ITGA2: variants seen among roughly 807,000 people sequenced by gnomAD.
ITGA2 encodes integrin subunit alpha 2.
In ITGA2, 101 loss-of-function variants were observed where a neutral mutation model predicts 146.3. The observed-to-expected ratio is 0.69, with a 90% CI of 0.59 to 0.81. The LOEUF is 0.81. Ranked by LOEUF, ITGA2 falls within the 40% of genes least tolerant of loss-of-function variation. ITGA2 has a pLI of 0.00. For synonymous variants in ITGA2, 477 were observed against 487.1 expected, an observed-to-expected ratio of 0.98 and a Z score of 0.27; for missense variants, 1,281 against 1,402.7, an observed-to-expected ratio of 0.91 and a Z score of 1.39.
At chr5:53,056,896 A>T (rs1033987417) in intron 9 of ITGA2, among the ~76,000 whole-genome samples, 2 of 151,922 alleles carry the variant, frequency 1.3e-5, no homozygotes, top group Non-Finnish European at 2.9e-5. Context: ...TGCAATAAAG[A>T]CCATATGTTA....
At chr5:53,056,551 TC>T (rs1744644958) in intron 9 of ITGA2, among the ~76,000 whole-genome samples, 5 of 151,992 alleles carry the variant, frequency 3.3e-5, no homozygotes, top group African/African-American at 9.7e-5. Flanking sequence ...TGTATGAATA[TC>T]TATCTATTAG....
intron 1 of ITGA2, among the ~76,000 whole-genome samples, chr5:52,992,882 C>T (rs796882981): frequency 3.3e-5 from 5 of 152,202 alleles, no homozygotes; most frequent in African/African-American, 1.2e-4. Flanking sequence ...CTTTCCTGAA[C>T]ACAAATACAC....
rs767220809 is a variant in ITGA2 at position 52,989,542 on chromosome 5, G to T, written c.64+10G>T. 1 of 1,613,844 alleles carries T rather than the reference G, an allele frequency of 6.2e-7. No individual in the cohort carries two copies. The highest frequency in any genetic ancestry group is 8.5e-7 in the Non-Finnish European group (1 of 1,179,890). On this transcript the variant is annotated intron_variant, in intron 1 of 29. Transcript: ENST00000296585. Reference sequence around the variant, plus strand: ...TTAGCGCTCAGTCAAGGTAAGCGGGGATTTCGCTCTGCATCGGCTGCAGGA... The same window carrying T: ...TTAGCGCTCAGTCAAGGTAAGCGGGTATTTCGCTCTGCATCGGCTGCAGGA...
intron 25 of ITGA2, 93 bp downstream of exon 25, chr5:53,080,714 G>T: frequency 1.1e-6 from 1 of 914,302 alleles, no homozygotes; most frequent in Non-Finnish European, 1.8e-6. Context: ...TTACAGATGG[G>T]AAACAGATGG....
At chr5:53,061,183 T>C (rs1579871246) in intron 12 of ITGA2, 137 bp downstream of exon 12, 1 of 840,412 alleles carries the variant, frequency 1.2e-6, no homozygotes, top group East Asian at 2.5e-5. Flanking sequence ...GTTTACTTAG[T>C]GTATTCCTTA....
intron 4 of ITGA2, among the ~76,000 whole-genome samples, chr5:53,046,304 A>G (rs1366977713): frequency 6.6e-6 from 1 of 151,990 alleles, no homozygotes; most frequent in Non-Finnish European, 1.5e-5. Flanking sequence ...TATGTTTTAT[A>G]ACTGTATTAT....
At chr5:53,020,082 G>T (rs1394770679) in intron 1 of ITGA2, among the ~76,000 whole-genome samples, 1 of 152,132 alleles carries the variant, frequency 6.6e-6, no homozygotes, top group Non-Finnish European at 1.5e-5. Flanking sequence ...CTGAGGATAA[G>T]AGAGAATTAA....
rs1740475325 is a variant in ITGA2 at position 53,092,451 on chromosome 5, C to T, written c.*1852C>T. 6.6e-6 allele frequency: 1 copy of T among 152,090 alleles called. No homozygotes were observed. The highest frequency in any genetic ancestry group is 2.1e-4 in the South Asian group (1 of 4,826). 9.4% of individuals were successfully genotyped at this position (152,090 alleles called of 1,614,324 possible). A position where few individuals can be genotyped will look rare whatever the true frequency, so the allele number is the denominator to read the frequency against. ...GCCCGTGGTGGCAGTCCAGGGCTAT[C>T]TGTACTGTTTACAGAATTACTTTGT... On this transcript the variant is annotated 3_prime_UTR_variant, in exon 30 of 30. Transcript: ENST00000296585.
chr5:53,059,436 C>T (rs1006722806), intron 10 of ITGA2, among the ~76,000 whole-genome samples: 5 of 151,876 alleles, frequency 3.3e-5, no homozygotes, highest in African/African-American at 1.2e-4. Flanking sequence ...GAAGTATCTC[C>T]GTCTCTCCCG....
At chr5:53,047,426 G>A (rs780509171) in intron 4 of ITGA2, among the ~76,000 whole-genome samples, 2 of 152,108 alleles carry the variant, frequency 1.3e-5, no homozygotes, top group African/African-American at 2.4e-5. Context: ...GAGAGAATTG[G>A]GATTGCATTA....
chr5:53,080,178 A>G (rs1745848396), intron 24 of ITGA2, among the ~76,000 whole-genome samples: 1 of 152,198 alleles, frequency 6.6e-6, no homozygotes, highest in Non-Finnish European at 1.5e-5. Context: ...ACCCATTAAC[A>G]TTGTAGATGT....
At chr5:53,044,211 G>A (rs1743952743) in intron 3 of ITGA2, among the ~76,000 whole-genome samples, 1 of 128,608 alleles carries the variant, frequency 7.8e-6, no homozygotes, top group South Asian at 2.6e-4. Flanking sequence ...GGAGGCAGAG[G>A]TTGCAGTGAG....
At chr5:52,995,617 G>T (rs1741203054) in intron 1 of ITGA2, among the ~76,000 whole-genome samples, 1 of 152,192 alleles carries the variant, frequency 6.6e-6, no homozygotes, top group African/African-American at 2.4e-5. Context: ...GGAGGAAAAA[G>T]ATGATCAGTT....
intron 25 of ITGA2, 110 bp downstream of exon 25, chr5:53,080,731 C>A: frequency 2.5e-6 from 2 of 804,078 alleles, no homozygotes; most frequent in South Asian, 2.8e-5. Context: ...ATGGTAACTC[C>A]TATGCAGCCT....
intron 2 of ITGA2, among the ~76,000 whole-genome samples, chr5:53,028,080 C>CAAA (rs371152982): frequency 2.7e-5 from 4 of 146,342 alleles, no homozygotes; most frequent in Non-Finnish European, 6.0e-5. Context: ...GATCCTGTCT[C>CAAA]AAAAAAAAAA....
intron 24 of ITGA2, 96 bp downstream of exon 24, chr5:53,078,970 AAG>A (rs1209262384): frequency 7.8e-6 from 6 of 765,450 alleles, no homozygotes; most frequent in Non-Finnish European, 9.1e-6. Flanking sequence ...AAGAAATTGA[AAG>A]AGATCCGTGG....
chr5:53,062,674 A>G, intron 12 of ITGA2, 112 bp from the exon 13 acceptor site: 2 of 1,185,326 alleles, frequency 1.7e-6, no homozygotes, highest in Admixed American at 1.7e-5. Context: ...AGCACTTTGC[A>G]AATAGTAAAC....
chr5:52,989,663 TC>T, intron 1 of ITGA2, 131 bp downstream of exon 1: 1 of 983,652 alleles, frequency 1.0e-6, no homozygotes, highest in Non-Finnish European at 1.6e-6. Flanking sequence ...GGACTCGGGC[TC>T]CCAGCCACCA....
chr5:53,022,980 A>G (rs941537326), intron 1 of ITGA2, among the ~76,000 whole-genome samples: 2 of 152,240 alleles, frequency 1.3e-5, no homozygotes, highest in African/African-American at 4.8e-5. Context: ...TGCATGAGAT[A>G]AAATGTATTT....
Sources: gnomAD v4.1 joint callset for allele counts (sites outside exome capture counted in the v4.1 genomes callset) on GRCh38, gnomAD v4.1.1 for gene constraint, MANE v1.5 for transcripts, NCBI Gene and HGNC (gene_info 2026-07-23, HGNC 2026-07-21) for gene names.